AOPEP: variants seen among roughly 807,000 people sequenced by gnomAD.
AOPEP encodes aminopeptidase O (putative).
A neutral mutation model predicts 98.1 loss-of-function variants in AOPEP; 77 were observed. That is an observed-to-expected ratio of 0.78 (90% CI 0.65 to 0.95). AOPEP has a LOEUF of 0.95. AOPEP is among the 40% of genes least tolerant of loss of function. The pLI is 0.00. For missense variants in AOPEP, 1,024 were observed against 1,024.7 expected (o/e 1.00, Z 0.01); for synonymous variants, 346 against 365.3 (o/e 0.95, Z 0.60).
At chr9:95,057,049 T>C (rs927461252) in intron 13 of AOPEP, among the ~76,000 whole-genome samples, 5 of 152,332 alleles carry the variant, frequency 3.3e-5, no homozygotes, top group South Asian at 2.1e-4. Flanking sequence ...AGGAAAGGAC[T>C]TTTGCATTCC....
At chr9:94,779,630 C>G (rs1842863407) in intron 3 of AOPEP, among the ~76,000 whole-genome samples, 1 of 151,548 alleles carries the variant, frequency 6.6e-6, no homozygotes, top group Non-Finnish European at 1.5e-5. Flanking sequence ...ACTAGCAAAT[C>G]AATAAAATTC....
chr9:94,863,283 T>C (rs1267747770), intron 5 of AOPEP, among the ~76,000 whole-genome samples: 2 of 136,762 alleles, frequency 1.5e-5, no homozygotes, highest in Admixed American at 7.2e-5. Context: ...TTTTTCTCTT[T>C]TTTTTTTTTT....
At position 94,843,557 on chromosome 9, in the gene AOPEP, AG is replaced by A. The variant is rs372365498; in HGVS notation, c.1364+42556del. Among the ~76,000 whole-genome samples the A allele has an allele frequency of 6.5e-3, 992 of 152,344 alleles. 15 individuals are homozygous for A. The highest frequency in any genetic ancestry group is 0.023 in the African/African-American group (942 of 41,576). On this transcript the variant is annotated intron_variant, in intron 5 of 16. Coordinates refer to ENST00000375315, the MANE Select transcript of AOPEP (RefSeq NM_001193329.3). ...GAATAGGCTCAACCAGAGGCTGAGC[AG>A]TCAGTTTGCTATTATTACCATATGG... is the stretch of plus-strand genomic sequence containing the variant.
At chr9:94,743,113 CCATTCCTTTATTCCTT>C (rs2131990747) in intron 1 of AOPEP, among the ~76,000 whole-genome samples, 2 of 151,600 alleles carry the variant, frequency 1.3e-5, no homozygotes, top group African/African-American at 4.8e-5. Context: ...TGTGGAGTAG[CCATTCCTTTATTCCTT>C]TACTTTTTTA....
intron 1 of AOPEP, among the ~76,000 whole-genome samples, chr9:94,746,205 A>G (rs958473603): frequency 1.2e-4 from 18 of 152,202 alleles, no homozygotes; most frequent in African/African-American, 4.1e-4. Flanking sequence ...TATGGTAGGT[A>G]GTGGACCTCT....
At chr9:95,021,922 T>A (rs928913594) in intron 13 of AOPEP, 7 of 152,264 alleles carry the variant, frequency 4.6e-5, no homozygotes, top group Non-Finnish European at 7.3e-5. Flanking sequence ...GGACTATTTC[T>A]GTTTAGATTT....
In AOPEP at chr9:94,955,966, T is replaced by G. The variant is rs142926648; in HGVS notation, c.1823T>G (p.Phe608Cys). 55 of 1,613,644 alleles carry G rather than the reference T, an allele frequency of 3.4e-5. No homozygotes were observed. In the African/African-American group the frequency reaches 7.2e-4, roughly 21 times the overall value. Residue 608 changes from phenylalanine to cysteine, a missense_variant, in exon 9 of 17, where the codon TTT (phenylalanine) becomes TGT (cysteine). Transcript: ENST00000375315. Reference protein sequence around the residue: ...KRLGDETYFSFLRKFVHTFHG... With the variant: ...KRLGDETYFSCLRKFVHTFHG... ...CTTGGAGATGAAACCTATTTTTCATTTTTAAGAAAATTTGTGCACACATTT... is the reference window on the plus strand; with the variant it reads ...CTTGGAGATGAAACCTATTTTTCATGTTTAAGAAAATTTGTGCACACATTT...
intron 7 of AOPEP, among the ~76,000 whole-genome samples, chr9:94,951,014 C>G (rs1038102110): frequency 6.6e-6 from 1 of 152,222 alleles, no homozygotes; most frequent in African/African-American, 2.4e-5. Context: ...CACATTGCCT[C>G]TGTGGTTGTG....
chr9:94,959,032 C>G (rs1438003340), intron 9 of AOPEP, among the ~76,000 whole-genome samples: 1 of 151,274 alleles, frequency 6.6e-6, no homozygotes, highest in African/African-American at 2.4e-5. Context: ...GTCCTCTAAT[C>G]TGTTTTGAAT....
intron 10 of AOPEP, among the ~76,000 whole-genome samples, chr9:94,974,262 T>G (rs907139938): frequency 2.0e-5 from 3 of 152,212 alleles, no homozygotes; most frequent in Non-Finnish European, 2.9e-5. Context: ...TTTAACATCT[T>G]ATTCCACATT....
In AOPEP at chr9:94,928,419, G is replaced by T; in HGVS notation, c.1555-6G>T. 1 of 1,544,440 alleles carries T rather than the reference G, an allele frequency of 6.5e-7. No homozygotes were observed. On this transcript the variant is annotated splice_region_variant and splice_polypyrimidine_tract_variant and intron_variant, in intron 6 of 16. Coordinates refer to ENST00000375315, the MANE Select transcript of AOPEP (RefSeq NM_001193329.3). ...CATGTGTGTCTGTGTGTCTGTGGCT[G>T]AGCAGCTGGCCCCCTATGAGGCCCG...
intron 14 of AOPEP, among the ~76,000 whole-genome samples, chr9:95,071,992 C>T (rs79915897): frequency 0.012 from 1,821 of 152,214 alleles, 39 homozygotes; most frequent in African/African-American, 0.041. Flanking sequence ...CTAAAGCTGG[C>T]CCAAACCCAC....
chr9:94,888,996 G>A (rs574649152), intron 5 of AOPEP, among the ~76,000 whole-genome samples: 5 of 152,068 alleles, frequency 3.3e-5, no homozygotes, highest in East Asian at 1.9e-4. Flanking sequence ...GAGCTCTAGC[G>A]GCGGCTTCCT....
chr9:95,116,134 C>T, the AOPEP span, among the ~76,000 whole-genome samples: 2 of 152,254 alleles, frequency 1.3e-5, no homozygotes, highest in African/African-American at 4.8e-5. Context: ...CCATGCACCA[C>T]CTCACCGTTT....
intron 14 of AOPEP, chr9:95,061,039 CA>C: frequency 2.4e-6 from 1 of 420,906 alleles, no homozygotes; most frequent in Non-Finnish European, 4.3e-6. Flanking sequence ...TAAAGATGGA[CA>C]TAAGTCTCCT....
the AOPEP span, among the ~76,000 whole-genome samples, chr9:95,093,510 A>C: frequency 6.6e-6 from 1 of 152,160 alleles, no homozygotes; most frequent in East Asian, 1.9e-4. Context: ...CTTAGAGCAA[A>C]CAAAGAGTCT....
At chr9:94,781,081 AGTT>A (rs948705932) in intron 3 of AOPEP, among the ~76,000 whole-genome samples, 2 of 151,856 alleles carry the variant, frequency 1.3e-5, no homozygotes, top group Non-Finnish European at 2.9e-5. Flanking sequence ...TTAGCTGAGC[AGTT>A]GTTATTCTTT....
intron 5 of AOPEP, among the ~76,000 whole-genome samples, chr9:94,820,566 G>T (rs1208160979): frequency 6.6e-6 from 1 of 152,090 alleles, no homozygotes; most frequent in Non-Finnish European, 1.5e-5. Flanking sequence ...CCAAAATATG[G>T]ATCTTTGACT....
At chr9:94,778,643 G>A (rs755769780) in intron 3 of AOPEP, among the ~76,000 whole-genome samples, 2 of 152,178 alleles carry the variant, frequency 1.3e-5, no homozygotes, top group Admixed American at 6.5e-5. Flanking sequence ...AGGGTACAGC[G>A]GAATTTCTGG....
Sources: allele counts gnomAD v4.1 joint callset (sites outside exome capture counted in the v4.1 genomes callset), GRCh38; gene constraint gnomAD v4.1.1; transcripts MANE v1.5; gene names NCBI Gene and HGNC (gene_info 2026-07-23, HGNC 2026-07-21).